Variants in ZFP64 observed in about 807,000 individuals in gnomAD.
ZFP64 encodes the protein zinc finger protein 64.
In ZFP64, 14 loss-of-function variants were observed where a neutral mutation model predicts 51.6. The ratio of observed to expected loss-of-function variants is 0.27; its 90% CI spans 0.18 to 0.42. The LOEUF (loss-of-function observed/expected upper bound fraction) is 0.42. ZFP64 is among the 10% of genes least tolerant of loss of function. The pLI is 1.00. For synonymous variants in ZFP64, 375 were observed against 361.4 expected (o/e 1.04, Z -0.43); for missense variants, 754 against 906.8 (o/e 0.83, Z 2.16).
chr20:52,089,864 G>A (rs6021698), intron 7 of ZFP64, among the ~76,000 whole-genome samples: 39,886 of 152,108 alleles, frequency 0.26, 6,251 homozygotes, highest in African/African-American at 0.44. Context: ...TAATGGGGAA[G>A]GCTGTGCATG....
At chr20:52,121,268 GGCATGTCAAAA>G (rs1263500480) in intron 5 of ZFP64, among the ~76,000 whole-genome samples, 1 of 152,154 alleles carries the variant, frequency 6.6e-6, no homozygotes, top group African/African-American at 2.4e-5. Context: ...TAGTGAGAAA[GGCATGTCAAAA>G]GCCAAGGCAG....
intron 6 of ZFP64, among the ~76,000 whole-genome samples, chr20:52,097,867 G>A (rs1374859898): frequency 1.3e-5 from 2 of 151,096 alleles, no homozygotes; most frequent in African/African-American, 2.4e-5. Flanking sequence ...CCAGAAGTTT[G>A]AGACCAGCCT....
At chr20:52,084,229 G>T (rs749786692) in exon 9 of ZFP64, 4 of 289,240 alleles carry the variant, frequency 1.4e-5, no homozygotes, top group Non-Finnish European at 2.6e-5. Flanking sequence ...CATCAGAGAT[G>T]GATCAGTTTT....
At chr20:52,136,113 A>AAG (rs1175491656) in intron 5 of ZFP64, among the ~76,000 whole-genome samples, 1 of 150,238 alleles carries the variant, frequency 6.7e-6, no homozygotes, top group Non-Finnish European at 1.5e-5. Context: ...AAAAAAAAAA[A>AAG]AAAAAAAGAA....
chr20:52,097,540 C>T (rs923025295), intron 6 of ZFP64: 95 of 1,036,654 alleles, frequency 9.2e-5, no homozygotes, highest in African/African-American at 1.3e-4. Context: ...CTGCAACCTC[C>T]GCCTCCCGGG....
chr20:52,166,573 G>C (rs1459436890), intron 2 of ZFP64, among the ~76,000 whole-genome samples: 1 of 151,670 alleles, frequency 6.6e-6, no homozygotes, highest in Non-Finnish European at 1.5e-5. Context: ...TCCCACCTTA[G>C]CCTCACAAGC....
rs183805007 is a variant in ZFP64, at chr20:52,160,095, T to C, written c.763+28A>G. 1.2e-3 allele frequency: 1,963 copies of C among 1,614,074 alleles called. 3 individuals carry two copies. The highest frequency in any genetic ancestry group is 1.6e-3 in the Non-Finnish European group (1,840 of 1,180,032). ...TTTATGCCATAGAAAGTGAGGAGCG[T>C]AGAGAGCAAATAACAGGCAGGACTC... is the stretch of plus-strand genomic sequence containing the variant. On this transcript the variant is annotated intron_variant, in intron 5 of 5. Transcript: ENST00000216923. The surrounding 1 kb of genome is among the most constrained non-coding windows in gnomAD (Gnocchi z 4.2).
At chr20:52,149,098 A>G (rs923274626), downstream of ZFP64, among the ~76,000 whole-genome samples, 20 of 152,204 alleles carry the variant, frequency 1.3e-4, no homozygotes, top group African/African-American at 4.8e-4. Flanking sequence ...CCACAGCACC[A>G]GCTAGGGGAG....
intron 8 of ZFP64, among the ~76,000 whole-genome samples, chr20:52,087,791 ACTGTACAGCTG>A (rs2122697437): frequency 6.6e-6 from 1 of 152,326 alleles, no homozygotes; most frequent in South Asian, 2.1e-4. Context: ...TTGGCTTCCA[ACTGTACAGCTG>A]CCTCCCATTT....
At chr20:52,188,871 G>A (rs1283172129) in intron 1 of ZFP64, among the ~76,000 whole-genome samples, 2 of 151,732 alleles carry the variant, frequency 1.3e-5, no homozygotes, top group Admixed American at 1.3e-4. Flanking sequence ...AGCTACTAGA[G>A]AGGCTGAGGC....
chr20:52,190,368 T>G (rs1984281007), intron 1 of ZFP64, among the ~76,000 whole-genome samples: 3 of 152,164 alleles, frequency 2.0e-5, no homozygotes, highest in Admixed American at 2.0e-4. Context: ...TAGACCTTCG[T>G]TAGAATCTTG....
chr20:52,084,874 G>A, exon 9 of ZFP64: 9 of 1,613,776 alleles, frequency 5.6e-6, no homozygotes, highest in Non-Finnish European at 7.6e-6. Context: ...TTGTCGACGT[G>A]CTTGGCCAGG....
At chr20:52,135,510 C>T (rs909965767) in intron 5 of ZFP64, among the ~76,000 whole-genome samples, 2 of 152,072 alleles carry the variant, frequency 1.3e-5, no homozygotes, top group Non-Finnish European at 2.9e-5. Flanking sequence ...GACAGGGTCT[C>T]GCTCTGTTGC....
At chr20:52,174,396 T>C (rs1334819504) in intron 2 of ZFP64, among the ~76,000 whole-genome samples, 3 of 150,558 alleles carry the variant, frequency 2.0e-5, no homozygotes, top group Non-Finnish European at 4.4e-5. Flanking sequence ...TGAGGCAGAA[T>C]TGCTTGAACC....
intron 5 of ZFP64, among the ~76,000 whole-genome samples, chr20:52,109,864 C>A (rs1036814565): frequency 6.7e-6 from 1 of 150,366 alleles, no homozygotes; most frequent in Non-Finnish European, 1.5e-5. Context: ...GACAACTTTT[C>A]ATTGTTTTCA....
rs1981054392 is a variant in ZFP64, at chr20:52,153,492, A to G, written c.764-64T>C. ...CAACAACCACAGCGGATCCCCCCGA[A>G]GCACACACCAGAAAATCGCTTATAC... On this transcript the variant is annotated intron_variant, in intron 5 of 5. Transcript: ENST00000216923. The surrounding 1 kb of genome is among the most constrained non-coding windows in gnomAD (Gnocchi z 5.1). 2.6e-6 allele frequency: 4 copies of G among 1,536,156 alleles called. No homozygotes were observed. The South Asian group carries it at 3.8e-5, about 15-fold the overall frequency.
intron 5 of ZFP64, among the ~76,000 whole-genome samples, chr20:52,119,534 ATATATAT>A (rs1172720060): frequency 7.2e-5 from 3 of 41,832 alleles, no homozygotes; most frequent in African/African-American, 2.7e-4. Context: ...AAAAAAAAAA[ATATATAT>A]ATATATATAT....
chr20:52,117,715 G>A (rs1385604662), intron 5 of ZFP64: 6 of 455,864 alleles, frequency 1.3e-5, no homozygotes, highest in South Asian at 4.7e-5. Flanking sequence ...TGGACCAGCT[G>A]GGCCATAGAA....
rs570031338 is a variant in ZFP64 at position 52,174,599 on chromosome 20, T to G, written c.287-8574A>C. Among the ~76,000 whole-genome samples the G allele has an allele frequency of 9.2e-5, 14 of 152,248 alleles. No homozygotes were observed. The South Asian group carries it at 2.1e-3, about 23-fold the overall frequency. ...TTTGCCATGTTAAAACATCTTATCA[T>G]GTTGTCATTCATCGAAAACACAACC... On this transcript the variant is annotated intron_variant, in intron 2 of 5. Transcript: ENST00000216923.
Sources: gnomAD v4.1 joint callset for allele counts (sites outside exome capture counted in the v4.1 genomes callset) on GRCh38, gnomAD v4.1.1 for gene constraint, Gnocchi (gnomAD v3.1) non-coding constraint, MANE v1.5 for transcripts, NCBI Gene and HGNC (gene_info 2026-07-23, HGNC 2026-07-21) for gene names.